CSMD1: variants seen among roughly 807,000 people sequenced by gnomAD.
The protein encoded by CSMD1 is CUB and Sushi multiple domains 1, also known as CUB and sushi domain-containing protein 1.
A neutral mutation model predicts 417.5 loss-of-function variants in CSMD1; 213 were observed. The ratio of observed to expected loss-of-function variants is 0.51; its 90% CI spans 0.46 to 0.57. CSMD1 has a LOEUF of 0.57. CSMD1 is among the 20% of genes least tolerant of loss of function. The pLI, the probability that CSMD1 is intolerant of heterozygous loss-of-function variation, is 0.00. For synonymous variants in CSMD1, 2,862 were observed against 1,736.8 expected (o/e 1.65, Z -16.11); for missense variants, 6,923 against 4,529.7 (o/e 1.53, Z -15.17).
chr8:3,525,124 C>T (rs1797701290), intron 10 of CSMD1, among the ~76,000 whole-genome samples: 1 of 151,754 alleles, frequency 6.6e-6, no homozygotes, highest in African/African-American at 2.4e-5. Context: ...ACATAGAAGG[C>T]TCAAGCCACA....
chr8:4,031,840 A>G lies in CSMD1; in HGVS notation c.610+65T>C, dbSNP rs372735007. On this transcript the variant is annotated intron_variant, in intron 4 of 69. Transcript: ENST00000635120. ...TTTCATTTAAGTGGAAACTTTCATA[A>G]AAGCATCTCCAAAACCATTGCCCTG... 5 of 1,265,228 alleles carry G rather than the reference A, an allele frequency of 4.0e-6. No homozygotes were observed. The African/African-American group carries it at 7.6e-5, about 19-fold the overall frequency. 78.4% of individuals were successfully genotyped at this position (1,265,228 alleles called of 1,614,324 possible). A position where few individuals can be genotyped will look rare whatever the true frequency, so the allele number is the denominator to read the frequency against.
rs544378043 is a variant in CSMD1, at chr8:3,452,091, G to A, written c.1561+16621C>T. ...CTCTTTGAAGCAATTGTGAATGGGA[G>A]TTCACTCATGATTTGGCTCTCTGTT... On this transcript the variant is annotated intron_variant, in intron 12 of 69. Coordinates refer to ENST00000635120, the MANE Select transcript of CSMD1 (RefSeq NM_033225.6). Among the ~76,000 whole-genome samples, 876 of 152,302 alleles carry A rather than the reference G, an allele frequency of 5.8e-3. 9 individuals are homozygous for A. Among genetic ancestry groups the A allele is most frequent in the Non-Finnish European group, 0.01 (687 of 68,032 alleles).
At chr8:4,745,086 G>C (rs1003237438) in intron 1 of CSMD1, among the ~76,000 whole-genome samples, 3 of 151,986 alleles carry the variant, frequency 2.0e-5, no homozygotes, top group Admixed American at 6.6e-5. Flanking sequence ...AAAATCTCGA[G>C]AAATGCGTAA....
intron 3 of CSMD1, among the ~76,000 whole-genome samples, chr8:4,395,323 A>G (rs151125044): frequency 2.0e-5 from 3 of 152,316 alleles, no homozygotes; most frequent in Admixed American, 2.0e-4. Flanking sequence ...CCCCTTCGCT[A>G]TTCTTAGTAT....
intron 54 of CSMD1, among the ~76,000 whole-genome samples, chr8:2,980,619 C>T (rs1281475264): frequency 6.6e-6 from 1 of 152,128 alleles, no homozygotes; most frequent in Non-Finnish European, 1.5e-5. Flanking sequence ...AGGCAGAGAA[C>T]CAAATGTTCT....
chr8:3,283,016 T>C (rs1802855155), intron 26 of CSMD1, among the ~76,000 whole-genome samples: 1 of 152,100 alleles, frequency 6.6e-6, no homozygotes, highest in African/African-American at 2.4e-5. Flanking sequence ...CCACAAAATA[T>C]CTCCACTCCT....
intron 20 of CSMD1, among the ~76,000 whole-genome samples, chr8:3,360,144 C>T (rs1809062270): frequency 6.6e-6 from 1 of 152,140 alleles, no homozygotes; most frequent in Non-Finnish European, 1.5e-5. Context: ...GAATTTTCCT[C>T]TGTTTATTTT....
intron 2 of CSMD1, among the ~76,000 whole-genome samples, chr8:4,567,807 G>A (rs75914643): frequency 1.3e-5 from 2 of 152,156 alleles, no homozygotes; most frequent in Non-Finnish European, 2.9e-5. Flanking sequence ...GAAAAAAAAA[G>A]TGAGGCAGCA....
intron 1 of CSMD1, among the ~76,000 whole-genome samples, chr8:4,904,433 C>G (rs575325497): frequency 1.3e-5 from 2 of 152,164 alleles, no homozygotes; most frequent in Admixed American, 6.5e-5. Context: ...ACAAATAAAA[C>G]TAGCTATTTG....
At chr8:3,119,948 G>A (rs954283687) in intron 41 of CSMD1, among the ~76,000 whole-genome samples, 3 of 152,136 alleles carry the variant, frequency 2.0e-5, no homozygotes, top group African/African-American at 4.8e-5. Flanking sequence ...TAAAGTCTCC[G>A]AGCTTCTGCA....
intron 3 of CSMD1, among the ~76,000 whole-genome samples, chr8:4,280,418 T>C (rs1447786117): frequency 6.6e-6 from 1 of 152,236 alleles, no homozygotes; most frequent in African/African-American, 2.4e-5. Flanking sequence ...AATTAAATTT[T>C]AGTACCGAAA....
chr8:4,711,671 T>TA (rs11321928), intron 1 of CSMD1, among the ~76,000 whole-genome samples: 3 of 151,834 alleles, frequency 2.0e-5, no homozygotes, highest in South Asian at 2.1e-4. Flanking sequence ...TAGGTAAATT[T>TA]AAAAAAAAAA....
At chr8:3,351,179 A>C (rs148130430) in intron 21 of CSMD1, among the ~76,000 whole-genome samples, 334 of 152,378 alleles carry the variant, frequency 2.2e-3, no homozygotes, top group African/African-American at 7.2e-3. Context: ...TGTAGCTATA[A>C]CTGAATGTGA....
chr8:4,294,820 C>T (rs1447353291), intron 3 of CSMD1, among the ~76,000 whole-genome samples: 4 of 151,740 alleles, frequency 2.6e-5, no homozygotes, highest in Non-Finnish European at 4.4e-5. Flanking sequence ...CTTTTCAACC[C>T]ATGTGTAATT....
At chr8:3,411,257 G>C (rs936214578) in intron 12 of CSMD1, among the ~76,000 whole-genome samples, 3 of 152,132 alleles carry the variant, frequency 2.0e-5, no homozygotes, top group Non-Finnish European at 4.4e-5. Context: ...AAAGTGCATT[G>C]GTTTTACTTT....
intron 2 of CSMD1, among the ~76,000 whole-genome samples, chr8:4,425,822 G>A (rs971734222): frequency 6.6e-6 from 1 of 152,044 alleles, no homozygotes; most frequent in Admixed American, 6.6e-5. Context: ...ATGGTCCAGG[G>A]TAGTACGGGA....
At position 3,036,926 on chromosome 8, in the gene CSMD1, A is replaced by G. The variant is rs547884513; in HGVS notation, c.7661-7413T>C. On this transcript the variant is annotated intron_variant, in intron 50 of 69. Coordinates refer to ENST00000635120, the MANE Select transcript of CSMD1 (RefSeq NM_033225.6). Reference sequence around the variant, plus strand: ...ATTTCAGTGCACCTGTCATCCAAGCAGTGTGCACTGTATCCAATATGTAGT... The same window carrying G: ...ATTTCAGTGCACCTGTCATCCAAGCGGTGTGCACTGTATCCAATATGTAGT... 1.3e-4 allele frequency among the ~76,000 whole-genome samples: 20 copies of G among 152,276 alleles called. No homozygotes were observed. In the South Asian group the frequency reaches 3.9e-3, roughly 30 times the overall value.
At chr8:3,085,157 C>G (rs1248767945) in intron 49 of CSMD1, among the ~76,000 whole-genome samples, 2 of 152,046 alleles carry the variant, frequency 1.3e-5, no homozygotes, top group East Asian at 1.9e-4. Flanking sequence ...AATTCTAGAT[C>G]AACATTTTTA....
Position 3,538,292 on chromosome 8 carries a change from C to T in CSMD1, c.1344+36653G>A, listed in dbSNP as rs558783944. ...CACCTTCAGTGGTGCACCTGATATG[C>T]TTCACCTGAGATGGTACACGTGCGA... On this transcript the variant is annotated intron_variant, in intron 10 of 69. Coordinates refer to ENST00000635120, the MANE Select transcript of CSMD1 (RefSeq NM_033225.6). 1.2e-4 allele frequency among the ~76,000 whole-genome samples: 19 copies of T among 152,204 alleles called. No individual in the cohort carries two copies. In the East Asian group the frequency reaches 2.5e-3, roughly 20 times the overall value.
Sources: allele counts gnomAD v4.1 joint callset (sites outside exome capture counted in the v4.1 genomes callset), GRCh38; gene constraint gnomAD v4.1.1; transcripts MANE v1.5; gene names NCBI Gene and HGNC (gene_info 2026-07-23, HGNC 2026-07-21).